Variants in CASZ1 observed in about 807,000 individuals in gnomAD.
The protein encoded by CASZ1 is zinc finger protein castor homolog 1.
A neutral mutation model predicts 135.2 loss-of-function variants in CASZ1; 28 were observed. The observed-to-expected ratio is 0.21, with a 90% CI of 0.15 to 0.28. CASZ1 has a LOEUF of 0.28. Ranked by LOEUF, CASZ1 falls within the 10% of genes least tolerant of loss-of-function variation. The pLI is 1.00. For synonymous variants in CASZ1, 1,068 were observed against 1,073.4 expected, an observed-to-expected ratio of 0.99 and a Z score of 0.10; for missense variants, 2,161 against 2,453.3, an observed-to-expected ratio of 0.88 and a Z score of 2.52.
intron 2 of CASZ1, among the ~76,000 whole-genome samples, chr1:10,749,669 T>C (rs113085785): frequency 0.05 from 7,550 of 152,186 alleles, 591 homozygotes; most frequent in African/African-American, 0.16. Context: ...AGGTTCTAAG[T>C]GGGGCCTCTT....
Position 10,794,680 on chromosome 1 carries a change from A to G in CASZ1, c.-234+1884T>C, listed in dbSNP as rs191325098. Among the ~76,000 whole-genome samples, 137 of 151,962 alleles carry G rather than the reference A, an allele frequency of 9.0e-4. No individual in the cohort carries two copies. Among genetic ancestry groups the G allele is most frequent in the African/African-American group, 3.2e-3 (131 of 41,426 alleles). On this transcript the variant is annotated intron_variant, in intron 1 of 20. Coordinates refer to ENST00000377022, the MANE Select transcript of CASZ1 (RefSeq NM_001079843.3). The surrounding 1 kb of genome is among the most constrained non-coding windows in gnomAD (Gnocchi z 5.6). ...CTCAGCGCTCCACTAGCCTCCCCCA[A>G]CTCCGGACCCGGGTCGGGGATGACT...
chr1:10,744,281 G>A (rs982390797), intron 2 of CASZ1, among the ~76,000 whole-genome samples: 2 of 152,000 alleles, frequency 1.3e-5, no homozygotes. Flanking sequence ...GGGTCCTGGG[G>A]CGGGAACTTT....
At chr1:10,779,177 C>A (rs901976339) in intron 1 of CASZ1, among the ~76,000 whole-genome samples, 2 of 151,648 alleles carry the variant, frequency 1.3e-5, no homozygotes, top group Admixed American at 6.6e-5. Flanking sequence ...GTCTCCCCCC[C>A]AGCCCCACCC....
intron 18 of CASZ1, 139 bp downstream of exon 18, chr1:10,644,778 T>C (rs1642313343): frequency 4.7e-6 from 4 of 850,936 alleles, no homozygotes; most frequent in Admixed American, 5.2e-5. Flanking sequence ...TAGCCCGTGA[T>C]ATCTGGGACA....
rs1178207900 is a variant in CASZ1, at chr1:10,755,834, G to A, written c.-77+4867C>T. Among the ~76,000 whole-genome samples, 1 of 152,026 alleles carries A rather than the reference G, an allele frequency of 6.6e-6. No homozygotes were observed. Among genetic ancestry groups the A allele is most frequent in the African/African-American group, 2.4e-5 (1 of 41,390 alleles). On this transcript the variant is annotated intron_variant, in intron 2 of 20. Coordinates refer to ENST00000377022, the MANE Select transcript of CASZ1 (RefSeq NM_001079843.3). This position sits in a 1 kb window ranked among gnomAD's most constrained non-coding sequence, Gnocchi z 4.3. ...AGCACCACATCACGGTGGGAGGTGG[G>A]GAACCCTCCTGCTCCCACCCCTCTG...
chr1:10,643,291 T>C lies in CASZ1; in HGVS notation c.3889A>G (p.Asn1297Asp). The change falls in exon 19 of 21, where the codon AAC becomes GAC. Residue 1297 changes from asparagine to aspartate, a missense_variant. Asn to Asp is a conservative substitution (Grantham distance 23). Transcript: ENST00000377022. ...TCCCGGATGCAGTGGAAGTGGCTGT[T>C]CACCTGGTTGTACTTGCAACCTGTG... ...GRLGCKYNQV[N>D]SHFHCIREGC... 6.2e-7 allele frequency: 1 copy of C among 1,612,886 alleles called. No homozygotes were observed. The highest frequency in any genetic ancestry group is 8.5e-7 in the Non-Finnish European group (1 of 1,179,974).
At chr1:10,751,695 G>T (rs953333985) in intron 2 of CASZ1, among the ~76,000 whole-genome samples, 1 of 152,148 alleles carries the variant, frequency 6.6e-6, no homozygotes, top group Non-Finnish European at 1.5e-5. Flanking sequence ...GTTCCCACTC[G>T]TGCGGCACCC....
At position 10,697,527 on chromosome 1, in the gene CASZ1, C is replaced by G. The variant is rs936772144; in HGVS notation, c.-23-3615G>C. Among the ~76,000 whole-genome samples, 8 of 152,078 alleles carry G rather than the reference C, an allele frequency of 5.3e-5. No homozygotes were observed. The highest frequency in any genetic ancestry group is 1.4e-4 in the African/African-American group (6 of 41,398). Reference sequence around the variant, plus strand: ...AGCGGTTCCCCCCAACCCAGGCTCCCCACATCAGCACCAAGGAAAGCCATC... The same window carrying G: ...AGCGGTTCCCCCCAACCCAGGCTCCGCACATCAGCACCAAGGAAAGCCATC... On this transcript the variant is annotated intron_variant, in intron 3 of 20. Coordinates refer to ENST00000377022, the MANE Select transcript of CASZ1 (RefSeq NM_001079843.3). This position sits in a 1 kb window ranked among gnomAD's most constrained non-coding sequence, Gnocchi z 4.7.
At chr1:10,688,578 G>A (rs911423007) in intron 4 of CASZ1, among the ~76,000 whole-genome samples, 2 of 152,140 alleles carry the variant, frequency 1.3e-5, no homozygotes, top group Non-Finnish European at 2.9e-5. Context: ...ACAGCAGACC[G>A]CTCCTCTCCC....
rs1639568633 is a variant in CASZ1 at position 10,724,866 on chromosome 1, C to T, written c.-76-19322G>A. Reference sequence around the variant, plus strand: ...GCCAACCTGGGGAAGAGAAGGTGCTCAACTTCTCTCTTTCTCCTCTTTCTC... The same window carrying T: ...GCCAACCTGGGGAAGAGAAGGTGCTTAACTTCTCTCTTTCTCCTCTTTCTC... On this transcript the variant is annotated intron_variant, in intron 2 of 20. Coordinates refer to ENST00000377022, the MANE Select transcript of CASZ1 (RefSeq NM_001079843.3). This position sits in a 1 kb window ranked among gnomAD's most constrained non-coding sequence, Gnocchi z 4.1. Among the ~76,000 whole-genome samples, 1 of 152,222 alleles carries T rather than the reference C, an allele frequency of 6.6e-6. No homozygotes were observed. Among genetic ancestry groups the T allele is most frequent in the Non-Finnish European group, 1.5e-5 (1 of 68,036 alleles).
chr1:10,672,398 C>T (rs566755797), intron 4 of CASZ1, among the ~76,000 whole-genome samples: 3 of 152,038 alleles, frequency 2.0e-5, no homozygotes, highest in East Asian at 1.9e-4. Context: ...TTTCTGGGGC[C>T]GAAAGCCTCG....
In CASZ1 at chr1:10,665,183, G is replaced by A. The variant is rs200091925; in HGVS notation, c.405C>T (p.His135=). 3.4e-5 allele frequency: 53 copies of A among 1,570,086 alleles called. No homozygotes were observed. Among genetic ancestry groups the A allele is most frequent in the Middle Eastern group, 1.7e-4 (1 of 5,846 alleles). Residue 135 remains histidine, a synonymous_variant, in exon 5 of 21, where the codon CAC becomes CAT. Coordinates refer to ENST00000377022, the MANE Select transcript of CASZ1 (RefSeq NM_001079843.3). ...QPQGCSDEED[H]AEEPSKDGGA... ...CGCCGTCCTTGGAGGGCTCCTCCGC[G>A]TGGTCTTCCTCATCGCTGCACCCCT...
rs1413986256 is a variant in CASZ1 at position 10,655,755 on chromosome 1, T to C, written c.1559A>G (p.Asn520Ser). Residue 520 changes from asparagine to serine, a missense_variant, in exon 9 of 21, where the codon AAC (asparagine) becomes AGC (serine). Asn to Ser is a conservative substitution (Grantham distance 46). Coordinates refer to ENST00000377022, the MANE Select transcript of CASZ1 (RefSeq NM_001079843.3). Reference sequence around the variant, plus strand: ...ACGCATGAAGCCGTGCTGCAGGGAGTTGTCGCGCTTCTTGTGCATGTTGTA... The same window carrying C: ...ACGCATGAAGCCGTGCTGCAGGGAGCTGTCGCGCTTCTTGTGCATGTTGTA... ...RHYNMHKKRD[N>S]SLQHGFMRFS... is the part of the protein sequence containing the mutation. 1 of 1,614,072 alleles carries C rather than the reference T, an allele frequency of 6.2e-7. No individual in the cohort carries two copies. The highest frequency in any genetic ancestry group is 8.5e-7 in the Non-Finnish European group (1 of 1,179,978).
chr1:10,765,995 G>C (rs1212000082), intron 1 of CASZ1, among the ~76,000 whole-genome samples: 1 of 152,214 alleles, frequency 6.6e-6, no homozygotes, highest in Non-Finnish European at 1.5e-5. Flanking sequence ...TGTCGCCAGA[G>C]GGAGACGGAT....
chr1:10,706,740 G>A lies in CASZ1; in HGVS notation c.-76-1196C>T, dbSNP rs75322708. On this transcript the variant is annotated intron_variant, in intron 2 of 20. Transcript: ENST00000377022. This position sits in a 1 kb window ranked among gnomAD's most constrained non-coding sequence, Gnocchi z 4.3. ...GAGGGTGCCCACTGGGGCGGAGCCT[G>A]CCCTGCCAGATACAGGGCTCTGGGA... Among the ~76,000 whole-genome samples, 5,787 of 152,268 alleles carry A rather than the reference G, an allele frequency of 0.038. 324 individuals are homozygous for A. The highest frequency in any genetic ancestry group is 0.18 in the East Asian group (940 of 5,156).
intron 1 of CASZ1, among the ~76,000 whole-genome samples, chr1:10,771,567 T>A (rs1226504531): frequency 3.3e-5 from 5 of 152,126 alleles, no homozygotes; most frequent in Non-Finnish European, 5.9e-5. Context: ...GTATTTTAAT[T>A]AGCGACTTAT....
At chr1:10,649,672 G>A (rs1570409213) in intron 13 of CASZ1, 2 of 509,604 alleles carry the variant, frequency 3.9e-6, no homozygotes, top group South Asian at 3.4e-5. Flanking sequence ...TCCTCCACAT[G>A]AGCCCGTGCC....
At chr1:10,696,989 G>C (rs551248925) in intron 3 of CASZ1, among the ~76,000 whole-genome samples, 2 of 152,352 alleles carry the variant, frequency 1.3e-5, no homozygotes, top group East Asian at 3.9e-4. Flanking sequence ...GGGGATGGCA[G>C]CCAGCAATGG....
chr1:10,703,401 C>T (rs768384643), intron 3 of CASZ1, among the ~76,000 whole-genome samples: 15 of 152,138 alleles, frequency 9.9e-5, no homozygotes, highest in Admixed American at 9.2e-4. Flanking sequence ...CAGTCTCAGA[C>T]CTGGACTACC....
Sources: allele counts gnomAD v4.1 joint callset (sites outside exome capture counted in the v4.1 genomes callset), GRCh38; gene constraint gnomAD v4.1.1; non-coding constraint Gnocchi (gnomAD v3.1); transcripts MANE v1.5; gene names NCBI Gene and HGNC (gene_info 2026-07-23, HGNC 2026-07-21).